HMG20A: variants seen among roughly 807,000 people sequenced by gnomAD.
The protein encoded by HMG20A is high mobility group 20A.
In HMG20A, 17 loss-of-function variants were observed where a neutral mutation model predicts 43.9. That is an observed-to-expected ratio of 0.39 (90% CI 0.27 to 0.58). The LOEUF is 0.58. Ranked by LOEUF, HMG20A falls within the 20% of genes least tolerant of loss-of-function variation. HMG20A has a pLI of 0.59. For missense variants in HMG20A, 341 were observed against 438.2 expected (o/e 0.78, Z 1.98); for synonymous variants, 132 against 147.5 (o/e 0.89, Z 0.76).
At chr15:77,517,207 C>T in the HMG20A span, among the ~76,000 whole-genome samples, 3 of 152,310 alleles carry the variant, frequency 2.0e-5, no homozygotes, top group African/African-American at 7.2e-5. Context: ...AGGGGTTGCC[C>T]CAAGCCTCTG....
At chr15:77,496,008 A>T in the HMG20A span, among the ~76,000 whole-genome samples, 1,693 of 152,196 alleles carry the variant, frequency 0.011, 42 homozygotes, top group African/African-American at 0.039. Context: ...TTCCTCTTGC[A>T]ATCCCAGGAG....
chr15:77,442,787 A>T (rs932659311), intron 1 of HMG20A, among the ~76,000 whole-genome samples: 1 of 152,096 alleles, frequency 6.6e-6, no homozygotes, highest in African/African-American at 2.4e-5. Flanking sequence ...TGGAAAGGGG[A>T]GTATGGAGAG....
chr15:77,495,572 A>C, the HMG20A span, among the ~76,000 whole-genome samples: 2 of 152,150 alleles, frequency 1.3e-5, no homozygotes, highest in Admixed American at 6.5e-5. Flanking sequence ...ACAACAACAA[A>C]AAAAGGCAGT....
At chr15:77,480,338 G>A (rs1419250817) in intron 9 of HMG20A, among the ~76,000 whole-genome samples, 1 of 151,914 alleles carries the variant, frequency 6.6e-6, no homozygotes, top group Non-Finnish European at 1.5e-5. Context: ...TCTTGGTGGG[G>A]CACAGTGGCT....
the HMG20A span, among the ~76,000 whole-genome samples, chr15:77,500,716 C>G: frequency 6.6e-6 from 1 of 152,008 alleles, no homozygotes. Context: ...TTACAGGTGC[C>G]TACCACCATG....
At chr15:77,436,407 A>C (rs1411897584) in intron 1 of HMG20A, among the ~76,000 whole-genome samples, 2 of 151,720 alleles carry the variant, frequency 1.3e-5, no homozygotes, top group African/African-American at 2.4e-5. Context: ...GGACTGGTGG[A>C]CTATTGCAGT....
chr15:77,497,682 A>AGAGAGAGAGAGTGT, the HMG20A span, among the ~76,000 whole-genome samples: 21 of 119,084 alleles, frequency 1.8e-4, no homozygotes, highest in African/African-American at 6.0e-4. Flanking sequence ...AGAGAGAGAG[A>AGAGAGAGAGAGTGT]GTGTGTGTGT....
At chr15:77,453,145 C>T (rs747701183) in intron 1 of HMG20A, among the ~76,000 whole-genome samples, 1 of 152,108 alleles carries the variant, frequency 6.6e-6, no homozygotes, top group Non-Finnish European at 1.5e-5. Context: ...GCACAAGAAT[C>T]GCTTGAACCC....
intron 6 of HMG20A, 58 bp from the exon 7 acceptor site, chr15:77,477,497 C>T (rs938970887): frequency 2.5e-6 from 3 of 1,204,886 alleles, no homozygotes; most frequent in Admixed American, 3.7e-5. Context: ...TCTTCAGGCA[C>T]TATTATTTAA....
At chr15:77,423,190 A>G (rs1225068974) in intron 1 of HMG20A, among the ~76,000 whole-genome samples, 1 of 152,196 alleles carries the variant, frequency 6.6e-6, no homozygotes, top group Non-Finnish European at 1.5e-5. Context: ...CTATCTGTTT[A>G]GAAGAAAGCA....
chr15:77,503,631 G>A, the HMG20A span, among the ~76,000 whole-genome samples: 9 of 149,762 alleles, frequency 6.0e-5, no homozygotes, highest in African/African-American at 2.3e-4. Flanking sequence ...GACCCAAAGA[G>A]GAGAAGTGAT....
chr15:77,421,783 G>C (rs979763971), intron 1 of HMG20A, among the ~76,000 whole-genome samples: 3 of 152,202 alleles, frequency 2.0e-5, no homozygotes, highest in African/African-American at 7.2e-5. Flanking sequence ...GTTTTGCCCT[G>C]TGCCTGAGAA....
chr15:77,510,954 C>G, the HMG20A span, among the ~76,000 whole-genome samples: 910 of 152,324 alleles, frequency 6.0e-3, 11 homozygotes, highest in African/African-American at 0.021. Context: ...TGAATAATTC[C>G]CTTAAAATTC....
the HMG20A span, among the ~76,000 whole-genome samples, chr15:77,514,895 G>A: frequency 6.6e-6 from 1 of 152,236 alleles, no homozygotes; most frequent in African/African-American, 2.4e-5. Flanking sequence ...TGGGGATGCA[G>A]AGCAGCAGGC....
chr15:77,437,552 C>T (rs1170152699), intron 1 of HMG20A, among the ~76,000 whole-genome samples: 2 of 152,052 alleles, frequency 1.3e-5, no homozygotes, highest in Non-Finnish European at 2.9e-5. Flanking sequence ...ATACACCTAC[C>T]CACATTTTTT....
intron 1 of HMG20A, among the ~76,000 whole-genome samples, chr15:77,454,312 C>T (rs2072634941): frequency 6.6e-6 from 1 of 152,028 alleles, no homozygotes; most frequent in South Asian, 2.1e-4. Context: ...GTGTTGGTTG[C>T]ACAACCTTGT....
chr15:77,466,148 A>C (rs975509988), intron 3 of HMG20A, among the ~76,000 whole-genome samples: 4 of 152,204 alleles, frequency 2.6e-5, no homozygotes. Context: ...TGGGAGGCTG[A>C]GGCTGGTGGA....
the HMG20A span, among the ~76,000 whole-genome samples, chr15:77,507,716 C>T: frequency 6.6e-6 from 1 of 152,192 alleles, no homozygotes; most frequent in African/African-American, 2.4e-5. Context: ...AAATGGAGCA[C>T]AAAAATGTCC....
chr15:77,493,509 A>T, the HMG20A span, among the ~76,000 whole-genome samples: 17 of 152,206 alleles, frequency 1.1e-4, no homozygotes, highest in Admixed American at 1.0e-3. Context: ...GGGGGAAGTC[A>T]CTGAAGGTTT....
Sources: allele counts gnomAD v4.1 joint callset (sites outside exome capture counted in the v4.1 genomes callset), GRCh38; gene constraint gnomAD v4.1.1; transcripts MANE v1.5; gene names NCBI Gene and HGNC (gene_info 2026-07-23, HGNC 2026-07-21).